The following TAMM41 variants were observed in gnomAD, a reference collection of about 807,000 sequenced individuals.
TAMM41 encodes the protein TAM41 mitochondrial translocator assembly and maintenance homolog.
Under a neutral mutation model 44.1 loss-of-function variants are expected in TAMM41, and 36 were observed. The observed-to-expected ratio is 0.82, with a 90% CI of 0.63 to 1.08. The LOEUF (loss-of-function observed/expected upper bound fraction) is 1.08, where lower values mean the gene tolerates loss of function less well. Among genes scored for constraint, TAMM41 ranks in the 50% least tolerant of loss-of-function variants. The probability of loss-of-function intolerance (pLI) is 0.00; values close to 1 mark genes in which losing one functional copy is unlikely to be tolerated. For missense variants in TAMM41, 417 were observed against 404.3 expected, an observed-to-expected ratio of 1.03 and a Z score of -0.27; for synonymous variants, 164 against 153.1, an observed-to-expected ratio of 1.07 and a Z score of -0.53.
At chr3:11,799,809 G>C (rs2077702501) in intron 7 of TAMM41, among the ~76,000 whole-genome samples, 1 of 152,116 alleles carries the variant, frequency 6.6e-6, no homozygotes, top group Non-Finnish European at 1.5e-5. Flanking sequence ...GGTCTAAAGT[G>C]AAAGTAAAAG....
chr3:11,805,004 T>TGG (rs2077862201), intron 7 of TAMM41, among the ~76,000 whole-genome samples: 7 of 136,008 alleles, frequency 5.1e-5, no homozygotes, highest in African/African-American at 1.9e-4. Context: ...CCCTTTTTTT[T>TGG]TTTTTTTTTT....
the TAMM41 span, among the ~76,000 whole-genome samples, chr3:11,758,630 C>A: frequency 2.6e-5 from 4 of 152,006 alleles, no homozygotes; most frequent in African/African-American, 9.7e-5. Context: ...GGATTACCGG[C>A]GTGAGCCACT....
chr3:11,725,418 T>C, the TAMM41 span, among the ~76,000 whole-genome samples: 7 of 93,120 alleles, frequency 7.5e-5, no homozygotes, highest in South Asian at 4.0e-4. Flanking sequence ...CTTCTTCTTC[T>C]TCTTCTTTCC....
intron 4 of TAMM41, among the ~76,000 whole-genome samples, chr3:11,827,137 A>G (rs2078784339): frequency 6.6e-6 from 1 of 152,200 alleles, no homozygotes; most frequent in African/African-American, 2.4e-5. Context: ...TTTGCTTGAT[A>G]AATATTAAAC....
At chr3:11,752,773 G>A in the TAMM41 span, among the ~76,000 whole-genome samples, 260 of 151,630 alleles carry the variant, frequency 1.7e-3, no homozygotes, top group Non-Finnish European at 3.3e-3. Context: ...CAGAGTAACT[G>A]GGACTACAGG....
At chr3:11,845,482 T>A (rs1252542833) in intron 1 of TAMM41, among the ~76,000 whole-genome samples, 1 of 152,190 alleles carries the variant, frequency 6.6e-6, no homozygotes, top group Non-Finnish European at 1.5e-5. Context: ...AGTGTGACTC[T>A]ACAGACCACT....
the TAMM41 span, among the ~76,000 whole-genome samples, chr3:11,763,620 A>G: frequency 5.3e-5 from 8 of 152,252 alleles, no homozygotes; most frequent in Non-Finnish European, 1.2e-4. Context: ...GCAGCCTCCA[A>G]CTAAGAAAAT....
the TAMM41 span, among the ~76,000 whole-genome samples, chr3:11,752,623 A>G: frequency 1.1e-5 from 1 of 94,028 alleles, no homozygotes; most frequent in Non-Finnish European, 2.3e-5. Context: ...GTTCTTACAA[A>G]GCTTTTTTTT....
chr3:11,779,242 A>T, the TAMM41 span, among the ~76,000 whole-genome samples: 7 of 152,208 alleles, frequency 4.6e-5, no homozygotes, highest in Admixed American at 4.6e-4. Context: ...CCAGATGCAG[A>T]TGCCCAATCT....
At position 11,829,802 on chromosome 3, in the gene TAMM41, C is replaced by CT; in HGVS notation, c.473dup (p.Ser159GlufsTer16). The CT allele has an allele frequency of 1.2e-6, 2 of 1,614,200 alleles. No individual in the cohort carries two copies. The highest frequency in any genetic ancestry group is 1.1e-5 in the South Asian group (1 of 91,088). ...TGAGGAAAGCAGCGGTCACAGCACT[C>CT]TTCAGATTTCTATCGAGGGCTGATC... is the stretch of plus-strand genomic sequence containing the variant. On this transcript the variant is annotated frameshift_variant, in exon 4 of 8. Transcript: ENST00000455809. LOFTEE classifies it high-confidence loss of function.
chr3:11,769,846 C>T, the TAMM41 span, among the ~76,000 whole-genome samples: 1 of 152,202 alleles, frequency 6.6e-6, no homozygotes, highest in African/African-American at 2.4e-5. Context: ...ACACGCCTCA[C>T]GGCCCAGCTC....
intron 7 of TAMM41, among the ~76,000 whole-genome samples, chr3:11,803,664 A>C (rs1268914849): frequency 6.6e-6 from 1 of 152,244 alleles, no homozygotes; most frequent in Admixed American, 6.5e-5. Context: ...AATGATATGG[A>C]ATTAACCAAA....
the TAMM41 span, among the ~76,000 whole-genome samples, chr3:11,740,502 T>G: frequency 1.3e-5 from 2 of 152,228 alleles, no homozygotes; most frequent in Non-Finnish European, 2.9e-5. Flanking sequence ...TGAATTCATG[T>G]ATGTGTATAT....
the TAMM41 span, among the ~76,000 whole-genome samples, chr3:11,724,500 C>G: frequency 2.0e-5 from 3 of 152,002 alleles, no homozygotes; most frequent in Admixed American, 6.6e-5. Context: ...ACTGCAACCT[C>G]CACCTCCTGG....
the TAMM41 span, among the ~76,000 whole-genome samples, chr3:11,740,732 A>G: frequency 6.6e-6 from 1 of 151,614 alleles, no homozygotes; most frequent in Non-Finnish European, 1.5e-5. Flanking sequence ...CGCCCGGCTG[A>G]TTTTTGTATT....
intron 7 of TAMM41, among the ~76,000 whole-genome samples, chr3:11,796,585 A>G (rs1230677652): frequency 2.6e-5 from 4 of 152,200 alleles, no homozygotes; most frequent in African/African-American, 9.6e-5. Flanking sequence ...TAATGGCTAC[A>G]AAAGAATAAA....
chr3:11,765,998 G>C, the TAMM41 span, among the ~76,000 whole-genome samples: 1 of 152,100 alleles, frequency 6.6e-6, no homozygotes, highest in Non-Finnish European at 1.5e-5. Flanking sequence ...ACCACACCCA[G>C]CCTGGAGTCA....
chr3:11,743,811 G>C, the TAMM41 span, among the ~76,000 whole-genome samples: 1 of 152,056 alleles, frequency 6.6e-6, no homozygotes, highest in African/African-American at 2.4e-5. Flanking sequence ...AGGGCATCAG[G>C]TGCTTCCCGT....
chr3:11,813,882 G>GTATATATGTGTATATATGTA lies in TAMM41; in HGVS notation c.708+3290_708+3309dup, dbSNP rs1553573157. ...TATGTATGTATATATATGTATATAT[G>GTATATATGTGTATATATGTA]TATATATGTGTATATATGTATATAT... On this transcript the variant is annotated intron_variant, in intron 5 of 7. Coordinates refer to ENST00000455809, the MANE Select transcript of TAMM41 (RefSeq NM_001284401.2). Among the ~76,000 whole-genome samples the GTATATATGTGTATATATGTA allele has an allele frequency of 2.9e-4, 40 of 139,660 alleles. No individual in the cohort carries two copies. In the South Asian group the frequency reaches 4.5e-3, roughly 16 times the overall value. The allele number at this position is 139,660 out of a possible 152,430, so 91.6% of individuals were successfully genotyped here. A position where few individuals can be genotyped will look rare whatever the true frequency, so the allele number is the denominator to read the frequency against.
Sources: gnomAD v4.1 joint callset for allele counts (sites outside exome capture counted in the v4.1 genomes callset) on GRCh38, gnomAD v4.1.1 for gene constraint, MANE v1.5 for transcripts, NCBI Gene and HGNC (gene_info 2026-07-23, HGNC 2026-07-21) for gene names.